NAV1: variants seen among roughly 807,000 people sequenced by gnomAD.
NAV1 encodes the protein pore membrane and/or filament interacting like protein 3.
A neutral mutation model predicts 175.2 loss-of-function variants in NAV1; 18 were observed. That is an observed-to-expected ratio of 0.10 (90% CI 0.07 to 0.15). The LOEUF is 0.15. NAV1 is among the 10% of genes least tolerant of loss of function. The pLI is 1.00. For missense variants in NAV1, 1,731 were observed against 2,436.6 expected (o/e 0.71, Z 6.10); for synonymous variants, 897 against 978.7 (o/e 0.92, Z 1.56).
chr1:201,702,698 C>G (rs3000762), intron 1 of NAV1, among the ~76,000 whole-genome samples: 1 of 130,252 alleles, frequency 7.7e-6, no homozygotes, highest in Non-Finnish European at 1.7e-5. Context: ...CTCTCTCTCT[C>G]TCTCTCTCTC....
Position 201,779,598 on chromosome 1 carries a change from C to CAAAAAAAA in NAV1, c.1227-807_1227-800dup, listed in dbSNP as rs10624879. On this transcript the variant is annotated intron_variant, in intron 3 of 29. Coordinates refer to ENST00000367296, the Ensembl canonical transcript of NAV1. Reference sequence around the variant, plus strand: ...GGGGCAACAGAGCAGGACTCCGTCTCAAAAAAAAAAAAAAAAAAAAAAAGA... The same window carrying CAAAAAAAA: ...GGGGCAACAGAGCAGGACTCCGTCTCAAAAAAAAAAAAAAAAAAAAAAAAAAAAAAAGA... Among the ~76,000 whole-genome samples the CAAAAAAAA allele has an allele frequency of 2.5e-3, 176 of 69,044 alleles. 5 individuals are homozygous for CAAAAAAAA. Among genetic ancestry groups the CAAAAAAAA allele is most frequent in the Non-Finnish European group, 2.8e-3 (118 of 41,790 alleles). 45.3% of individuals were successfully genotyped at this position (69,044 alleles called of 152,430 possible).
At chr1:201,696,761 C>G (rs1337547494) in intron 1 of NAV1, among the ~76,000 whole-genome samples, 1 of 152,158 alleles carries the variant, frequency 6.6e-6, no homozygotes, top group Non-Finnish European at 1.5e-5. Flanking sequence ...GACTGGGATT[C>G]AGATCCCTAC....
At chr1:201,645,717 A>G (rs1039983427), upstream of NAV1, among the ~76,000 whole-genome samples, 1 of 54,362 alleles carries the variant, frequency 1.8e-5, no homozygotes, top group Non-Finnish European at 3.8e-5. Context: ...TTTCTCAGCC[A>G]GGATGGTAGC....
intron 2 of NAV1, among the ~76,000 whole-genome samples, chr1:201,605,499 A>G (rs902332210): frequency 2.0e-5 from 3 of 152,156 alleles, no homozygotes; most frequent in Non-Finnish European, 4.4e-5. Context: ...CTCATGAGAT[A>G]ACAAGTCACG....
intron 1 of NAV1, among the ~76,000 whole-genome samples, chr1:201,573,970 C>T (rs573125966): frequency 6.6e-6 from 1 of 151,748 alleles, no homozygotes; most frequent in South Asian, 2.1e-4. Flanking sequence ...GTGGGAGGAT[C>T]GCTTGAGCCC....
chr1:201,636,514 T>C lies in NAV1; in HGVS notation c.4+7007T>C, dbSNP rs143329633. Among the ~76,000 whole-genome samples the C allele has an allele frequency of 8.4e-4, 128 of 152,292 alleles. 1 individual carries two copies. The East Asian group carries it at 0.023, about 27-fold the overall frequency. On this transcript the variant is annotated intron_variant, in intron 2 of 29. Transcript: ENST00000367302. Reference sequence around the variant, plus strand: ...GGCGGAAGGAATAAAAAACTTGCCTTCCTGGGTGGTGGGAGTCCCAGGCTT... The same window carrying C: ...GGCGGAAGGAATAAAAAACTTGCCTCCCTGGGTGGTGGGAGTCCCAGGCTT...
rs147467506 is a variant in NAV1 at position 201,580,013 on chromosome 1, A to T, written c.-143-8526A>T. Among the ~76,000 whole-genome samples the T allele has an allele frequency of 2.2e-3, 337 of 152,328 alleles. 1 individual carries two copies. The highest frequency in any genetic ancestry group is 8.0e-3 in the African/African-American group (333 of 41,572). ...CCAAAGGCCTGAGAAACTGGGGGGA[A>T]GGGTGGTCTCTGGCGCAAATCCCAG... On this transcript the variant is annotated intron_variant, in intron 1 of 33. Transcript: ENST00000685211.
At chr1:201,756,833 T>G (rs1445350545) in intron 3 of NAV1, among the ~76,000 whole-genome samples, 1 of 71,276 alleles carries the variant, frequency 1.4e-5, no homozygotes, top group Non-Finnish European at 4.2e-5. Flanking sequence ...TCTTTCTTTC[T>G]TTCTTTCTTT....
At position 201,775,070 on chromosome 1, in the gene NAV1, T is replaced by C. The variant is rs932514340; in HGVS notation, c.1227-5351T>C. The stretch of plus-strand genomic sequence containing the variant: ...GAGGTAAGTCTAAAAACAAGAGGAC[T>C]GGTTGAAAATTTATAGAAAAAACAC... On this transcript the variant is annotated intron_variant, in intron 3 of 29. Transcript: ENST00000367296. Among the ~76,000 whole-genome samples, 17 of 152,320 alleles carry C rather than the reference T, an allele frequency of 1.1e-4. No homozygotes were observed. The South Asian group carries it at 3.5e-3, about 32-fold the overall frequency.
At position 201,628,222 on chromosome 1, in the gene NAV1, C is replaced by T. The variant is rs1470242211; in HGVS notation, c.-100-1182C>T. ...GCACCCCCAGGGGCCAGGATGAGGC[C>T]TCCTGCTTTCTCTAACGACACCCCA... On this transcript the variant is annotated intron_variant, in intron 1 of 29. Coordinates refer to the NAV1 transcript ENST00000367302. 2.0e-5 allele frequency among the ~76,000 whole-genome samples: 3 copies of T among 151,948 alleles called. No homozygotes were observed. In the East Asian group the frequency reaches 5.8e-4, roughly 29 times the overall value.
At chr1:201,702,567 A>C (rs760069618) in intron 1 of NAV1, among the ~76,000 whole-genome samples, 2 of 152,066 alleles carry the variant, frequency 1.3e-5, no homozygotes, top group Non-Finnish European at 2.9e-5. Context: ...ATGGGGTTTC[A>C]TCATGTTGGT....
At chr1:201,714,554 C>A (rs1672056969) in intron 2 of NAV1, among the ~76,000 whole-genome samples, 1 of 152,196 alleles carries the variant, frequency 6.6e-6, no homozygotes, top group Non-Finnish European at 1.5e-5. Flanking sequence ...GGCTCCAGGA[C>A]CCCCTTACAT....
At chr1:201,619,787 C>T (rs1480350829), upstream of NAV1, among the ~76,000 whole-genome samples, 2 of 152,174 alleles carry the variant, frequency 1.3e-5, no homozygotes, top group African/African-American at 4.8e-5. Context: ...GCAGGCAAGC[C>T]CTGGGTGTGG....
At chr1:201,805,418 A>G (rs1033929234) in intron 17 of NAV1, among the ~76,000 whole-genome samples, 1 of 152,178 alleles carries the variant, frequency 6.6e-6, no homozygotes, top group Non-Finnish European at 1.5e-5. Context: ...ATGGGTAGAG[A>G]GGAATGTGTT....
At chr1:201,623,533 G>T in exon 1 of NAV1, 1 of 986,222 alleles carries the variant, frequency 1.0e-6, no homozygotes, top group Non-Finnish European at 1.2e-6. Flanking sequence ...TCCCTCTCCG[G>T]GGGCCATTAG....
At chr1:201,567,189 C>T (rs1666380844) in intron 1 of NAV1, among the ~76,000 whole-genome samples, 1 of 152,184 alleles carries the variant, frequency 6.6e-6, no homozygotes, top group South Asian at 2.1e-4. Context: ...CCCTTCCTGC[C>T]TGACAAGATG....
chr1:201,629,359 C>A, intron 1 of NAV1, 45 bp from the exon 4 acceptor site: 1 of 1,245,996 alleles, frequency 8.0e-7, no homozygotes. Context: ...GCTTAGAGAC[C>A]AGGACATCTC....
intron 16 of NAV1, 43 bp downstream of exon 20, chr1:201,803,757 T>G (rs1359435209): frequency 1.9e-6 from 3 of 1,597,166 alleles, no homozygotes; most frequent in Non-Finnish European, 2.6e-6. Context: ...AGAACCGTGG[T>G]GGACCGCCTT....
rs188281314 is a variant in NAV1 at position 201,785,377 on chromosome 1, C to A, written c.2846+26C>A. The A allele has an allele frequency of 2.1e-3, 3,328 of 1,609,294 alleles. 8 individuals carry two copies. Among genetic ancestry groups the A allele is most frequent in the Admixed American group, 2.6e-3 (156 of 59,422 alleles). On this transcript the variant is annotated intron_variant, in intron 8 of 29. Transcript: ENST00000367296. ...GTAACCCTTTAATGTGTTTTTTCTT[C>A]CCTATAAATGGGACTGCTGGTATGT...
Sources: allele counts gnomAD v4.1 joint callset (sites outside exome capture counted in the v4.1 genomes callset), GRCh38; gene constraint gnomAD v4.1.1; transcripts MANE v1.5; gene names NCBI Gene and HGNC (gene_info 2026-07-23, HGNC 2026-07-21).